CEP120: variants seen among roughly 807,000 people sequenced by gnomAD.
CEP120 encodes the protein centrosomal protein of 120 kDa.
In CEP120, 113 loss-of-function variants were observed where a neutral mutation model predicts 126.5. The observed-to-expected ratio is 0.89, with a 90% CI of 0.77 to 1.04. CEP120 has a LOEUF of 1.04. Among genes scored for constraint, CEP120 ranks in the 50% least tolerant of loss-of-function variants. The pLI is 0.00. For missense variants in CEP120, 1,230 were observed against 1,155.7 expected (o/e 1.06, Z -0.93); for synonymous variants, 400 against 394.3 (o/e 1.01, Z -0.17).
At chr5:123,411,956 A>G (rs1009579080) in intron 4 of CEP120, among the ~76,000 whole-genome samples, 12 of 152,240 alleles carry the variant, frequency 7.9e-5, no homozygotes, top group African/African-American at 2.7e-4. Context: ...CAGGGAGTAT[A>G]TAGGAGAACT....
chr5:123,418,759 G>A (rs1229162297), intron 1 of CEP120, among the ~76,000 whole-genome samples: 3 of 152,078 alleles, frequency 2.0e-5, no homozygotes, highest in African/African-American at 7.2e-5. Flanking sequence ...ACCAAACCCA[G>A]CTAATTTTTG....
chr5:123,396,963 C>T (rs1365203357), intron 5 of CEP120, among the ~76,000 whole-genome samples: 1 of 152,162 alleles, frequency 6.6e-6, no homozygotes, highest in Non-Finnish European at 1.5e-5. Flanking sequence ...CAAAGCATTA[C>T]ACAGTAAGTA....
At chr5:123,376,927 G>A (rs1427033229) in intron 16 of CEP120, among the ~76,000 whole-genome samples, 1 of 152,076 alleles carries the variant, frequency 6.6e-6, no homozygotes, top group Non-Finnish European at 1.5e-5. Context: ...GAAAGGTAGA[G>A]AAAAACAAGG....
intron 18 of CEP120, among the ~76,000 whole-genome samples, chr5:123,350,805 CAAT>C (rs1289604357): frequency 6.6e-6 from 1 of 152,112 alleles, no homozygotes; most frequent in East Asian, 1.9e-4. Flanking sequence ...AAAAGTTTAA[CAAT>C]TCTTCAGGTC....
intron 4 of CEP120, among the ~76,000 whole-genome samples, chr5:123,409,872 G>A (rs919321802): frequency 1.3e-5 from 2 of 150,980 alleles, no homozygotes; most frequent in African/African-American, 4.9e-5. Context: ...CAGGAGAATC[G>A]CTTGAACCTG....
At chr5:123,346,983 A>G (rs1476599222) in intron 19 of CEP120, among the ~76,000 whole-genome samples, 1 of 152,166 alleles carries the variant, frequency 6.6e-6, no homozygotes, top group African/African-American at 2.4e-5. Flanking sequence ...TGAAAACTAG[A>G]TATTTTGGAG....
At chr5:123,385,186 T>C (rs956509254) in intron 10 of CEP120, 53 bp from the exon 11 acceptor site, 1 of 1,390,458 alleles carries the variant, frequency 7.2e-7, no homozygotes, top group Admixed American at 2.5e-5. Flanking sequence ...CCTAAAGTCT[T>C]TTCTGAACTA....
At chr5:123,366,412 T>G (rs982767256) in intron 17 of CEP120, among the ~76,000 whole-genome samples, 4 of 151,828 alleles carry the variant, frequency 2.6e-5, no homozygotes, top group Admixed American at 2.6e-4. Context: ...AAAACTCAGC[T>G]CAGGACCTAC....
rs1772168557 is a variant in CEP120, at chr5:123,388,452, A to G, written c.1410T>C (p.Phe470=). The change falls in exon 9 of 20, where the codon TTT becomes TTC. Residue 470 remains phenylalanine (F), a synonymous_variant. Transcript: ENST00000306467. ...LRSIHALEIG[F]PINCILRYSY... is the part of the protein sequence containing the mutation. ...CACACCTTAATATACAGTTGATTGG[A>G]AAACCAATCTCCAAGGCATGTATAC... 6.4e-7 allele frequency: 1 copy of G among 1,556,852 alleles called. No individual in the cohort carries two copies. The highest frequency in any genetic ancestry group is 8.7e-7 in the Non-Finnish European group (1 of 1,154,842).
At chr5:123,403,200 G>C in intron 4 of CEP120, 1 of 441,412 alleles carries the variant, frequency 2.3e-6, no homozygotes. Flanking sequence ...GTGACACCTC[G>C]ATATCAGCTA....
At chr5:123,360,992 C>CAATAAAAACATGTCAATAAAAAACATG (rs1770037439) in intron 18 of CEP120, among the ~76,000 whole-genome samples, 1 of 151,044 alleles carries the variant, frequency 6.6e-6, no homozygotes, top group African/African-American at 2.4e-5. Context: ...ATAGATACTT[C>CAATAAAAACATGTCAATAAAAAACATG]TCAATAAAAA....
At chr5:123,414,576 T>TC (rs965366907) in intron 3 of CEP120, among the ~76,000 whole-genome samples, 12 of 152,074 alleles carry the variant, frequency 7.9e-5, no homozygotes, top group South Asian at 4.1e-4. Context: ...TTAACTTTTT[T>TC]CCCCCCTTAA....
At chr5:123,407,146 T>G (rs192981389) in intron 4 of CEP120, among the ~76,000 whole-genome samples, 3 of 145,494 alleles carry the variant, frequency 2.1e-5, no homozygotes, top group Non-Finnish European at 4.6e-5. Flanking sequence ...ATAACTGATA[T>G]GCAAGAAAGA....
chr5:123,370,649 T>C (rs755341168), intron 17 of CEP120, among the ~76,000 whole-genome samples: 11 of 134,488 alleles, frequency 8.2e-5, no homozygotes, highest in Non-Finnish European at 1.3e-4. Flanking sequence ...AGCTAGTGTA[T>C]ATATATGTTA....
chr5:123,358,167 A>C (rs1180610677), intron 18 of CEP120: 1 of 151,794 alleles, frequency 6.6e-6, no homozygotes, highest in East Asian at 1.9e-4. Flanking sequence ...TGTTGTTTGC[A>C]AAAAGACTTT....
At chr5:123,418,923 G>A (rs1774546266) in intron 1 of CEP120, among the ~76,000 whole-genome samples, 1 of 152,260 alleles carries the variant, frequency 6.6e-6, no homozygotes, top group East Asian at 1.9e-4. Flanking sequence ...GTTAAGTGTG[G>A]TTGACATGCA....
At chr5:123,352,619 G>A (rs1769266919) in intron 18 of CEP120, among the ~76,000 whole-genome samples, 2 of 151,756 alleles carry the variant, frequency 1.3e-5, no homozygotes, top group South Asian at 4.1e-4. Context: ...CTCAATATAC[G>A]ACAGTTCTTC....
chr5:123,386,520 TAAG>T lies in CEP120; in HGVS notation c.1575_1577del (p.Phe525del), dbSNP rs1384920303. 4 of 1,560,226 alleles carry T rather than the reference TAAG, an allele frequency of 2.6e-6. No individual in the cohort carries two copies. The highest frequency in any genetic ancestry group is 2.0e-5 in the Admixed American group (1 of 48,868). On this transcript the variant is annotated inframe_deletion, in exon 10 of 20. Coordinates refer to ENST00000306467, the MANE Select transcript of CEP120 (RefSeq NM_001375405.1). ...CATACATACACTGTATGCATTACCT[TAAG>T]AAGGTGTCTTGCAGCTGATGAGGCA...
chr5:123,350,774 C>T (rs1437332121), intron 18 of CEP120, among the ~76,000 whole-genome samples: 4 of 152,172 alleles, frequency 2.6e-5, no homozygotes, highest in Admixed American at 2.0e-4. Flanking sequence ...ACAAACAATA[C>T]ATTCTAGTTT....
Sources: gnomAD v4.1 joint callset for allele counts (sites outside exome capture counted in the v4.1 genomes callset) on GRCh38, gnomAD v4.1.1 for gene constraint, MANE v1.5 for transcripts, NCBI Gene and HGNC (gene_info 2026-07-23, HGNC 2026-07-21) for gene names.